Variants in DOCK5 observed in about 807,000 individuals in gnomAD.
DOCK5 encodes the protein dedicator of cytokinesis 5, also known as dedicator of cytokinesis protein 5.
In DOCK5, 142 loss-of-function variants were observed where a neutral mutation model predicts 251.8. That is an observed-to-expected ratio of 0.56 (90% CI 0.49 to 0.65). The LOEUF is 0.65. DOCK5 is among the 30% of genes least tolerant of loss of function. The pLI, the probability that DOCK5 is intolerant of heterozygous loss-of-function variation, is 0.00. For missense variants in DOCK5, 2,111 were observed against 2,312.3 expected (o/e 0.91, Z 1.79); for synonymous variants, 842 against 835.5 (o/e 1.01, Z -0.13).
At chr8:25,362,804 G>T (rs1800710614) in intron 28 of DOCK5, among the ~76,000 whole-genome samples, 1 of 152,100 alleles carries the variant, frequency 6.6e-6, no homozygotes, top group Admixed American at 6.6e-5. Context: ...TGTACCATTT[G>T]TAAAATGTGG....
At chr8:25,246,792 GTGT>G (rs139629161) in intron 2 of DOCK5, among the ~76,000 whole-genome samples, 9,399 of 148,754 alleles carry the variant, frequency 0.063, 924 homozygotes, top group African/African-American at 0.2. Flanking sequence ...ATGTTTGTGT[GTGT>G]TGTTTTGTCA....
At chr8:25,343,295 A>G (rs1800288741) in intron 25 of DOCK5, among the ~76,000 whole-genome samples, 1 of 151,984 alleles carries the variant, frequency 6.6e-6, no homozygotes, top group Non-Finnish European at 1.5e-5. Context: ...AGGCATAATT[A>G]CCGTGCCCAG....
At chr8:25,351,858 C>A (rs747000802) in intron 27 of DOCK5, 32 bp downstream of exon 27, 14 of 1,591,202 alleles carry the variant, frequency 8.8e-6, no homozygotes, top group Non-Finnish European at 1.2e-5. Context: ...CCCACGGCCG[C>A]TGCTGTTTCT....
chr8:25,384,415 T>C (rs1801122716), intron 40 of DOCK5, among the ~76,000 whole-genome samples: 1 of 150,264 alleles, frequency 6.7e-6, no homozygotes, highest in South Asian at 2.1e-4. Flanking sequence ...ATGTAGATTA[T>C]GTCTTAATAT....
At chr8:25,407,830 C>A (rs1801548763) in intron 48 of DOCK5, among the ~76,000 whole-genome samples, 153 bp from the exon 49 acceptor site, 1 of 145,486 alleles carries the variant, frequency 6.9e-6, no homozygotes. Flanking sequence ...CACCACTGCA[C>A]TCCAGCCTGA....
chr8:25,353,743 G>A (rs976394270), intron 27 of DOCK5, among the ~76,000 whole-genome samples: 2 of 152,056 alleles, frequency 1.3e-5, no homozygotes, highest in African/African-American at 4.8e-5. Flanking sequence ...GACTTAGGAA[G>A]CTGGGTGCGG....
intron 1 of DOCK5, among the ~76,000 whole-genome samples, chr8:25,217,845 T>C (rs1164127625): frequency 2.6e-5 from 4 of 152,228 alleles, no homozygotes; most frequent in Non-Finnish European, 4.4e-5. Flanking sequence ...GAATGGGACA[T>C]GTTAGTAACG....
chr8:25,371,120 T>G (rs887950894), intron 34 of DOCK5, among the ~76,000 whole-genome samples: 1 of 151,104 alleles, frequency 6.6e-6, no homozygotes, highest in Non-Finnish European at 1.5e-5. Flanking sequence ...GTGTGAGTTT[T>G]GTGGATGAGA....
At position 25,368,607 on chromosome 8, in the gene DOCK5, G is replaced by C; in HGVS notation, c.3320G>C (p.Gly1107Ala). ...HKIKFIPSMV[G>A]PILEVTLTPE... ...ATCAAATTCATCCCATCCATGGTGG[G>C]TCCCATTCTGGAGGTCACTCTGACC... Residue 1107 changes from glycine to alanine, a missense_variant, in exon 33 of 52, where the codon GGT (glycine) becomes GCT (alanine). By Grantham distance (60) the Gly-to-Ala change is moderately conservative (BLOSUM62 0). Transcript: ENST00000276440. 1 of 1,612,928 alleles carries C rather than the reference G, an allele frequency of 6.2e-7. No individual in the cohort carries two copies. The highest frequency in any genetic ancestry group is 2.2e-5 in the East Asian group (1 of 44,846).
At chr8:25,329,487 TTG>T (rs1346956169) in intron 18 of DOCK5, among the ~76,000 whole-genome samples, 1 of 152,238 alleles carries the variant, frequency 6.6e-6, no homozygotes, top group Non-Finnish European at 1.5e-5. Context: ...AATTGAAGTC[TTG>T]TGTCACGTGT....
At chr8:25,296,117 G>A (rs1804609257) in intron 6 of DOCK5, among the ~76,000 whole-genome samples, 1 of 152,196 alleles carries the variant, frequency 6.6e-6, no homozygotes, top group Non-Finnish European at 1.5e-5. Context: ...ACGACGCCTG[G>A]CAAAGGAGGT....
intron 1 of DOCK5, among the ~76,000 whole-genome samples, chr8:25,229,640 C>T (rs1323119844): frequency 6.6e-6 from 1 of 151,890 alleles, no homozygotes; most frequent in Non-Finnish European, 1.5e-5. Flanking sequence ...AATTGTATCT[C>T]AAAAAGAAAA....
chr8:25,227,947 G>A (rs1296701816), intron 1 of DOCK5, among the ~76,000 whole-genome samples: 1 of 152,044 alleles, frequency 6.6e-6, no homozygotes, highest in Non-Finnish European at 1.5e-5. Flanking sequence ...TGCAGTGGCA[G>A]GATCATGGCC....
intron 1 of DOCK5, among the ~76,000 whole-genome samples, chr8:25,215,909 T>C (rs192601186): frequency 7.3e-4 from 110 of 150,246 alleles, no homozygotes; most frequent in Non-Finnish European, 1.4e-3. Flanking sequence ...TTTTTCTTAA[T>C]CTTTTCAAAT....
Position 25,411,431 on chromosome 8 carries a change from C to T in DOCK5, c.*133C>T, listed in dbSNP as rs1324169147. Reference sequence around the variant, plus strand: ...TGATCTGGGATGATGTTTACCAGCCCAAAACCAGTCATGTTCTTCCAAAAG... The same window carrying T: ...TGATCTGGGATGATGTTTACCAGCCTAAAACCAGTCATGTTCTTCCAAAAG... On this transcript the variant is annotated 3_prime_UTR_variant, in exon 52 of 52. Coordinates refer to ENST00000276440, the MANE Select transcript of DOCK5 (RefSeq NM_024940.8). 8.3e-7 allele frequency: 1 copy of T among 1,210,940 alleles called. No homozygotes were observed. The highest frequency in any genetic ancestry group is 1.1e-6 in the Non-Finnish European group (1 of 944,028). 75.0% of individuals were successfully genotyped at this position (1,210,940 alleles called of 1,614,324 possible). A position where few individuals can be genotyped will look rare whatever the true frequency, so the allele number is the denominator to read the frequency against.
intron 16 of DOCK5, 114 bp downstream of exon 16, chr8:25,321,166 T>C: frequency 1.1e-6 from 1 of 887,880 alleles, no homozygotes; most frequent in Non-Finnish European, 1.8e-6. Context: ...ACTTGGCAGC[T>C]GTATTTTGTA....
At chr8:25,384,469 T>TATTTA (rs1446152840) in intron 40 of DOCK5, among the ~76,000 whole-genome samples, 151 of 109,110 alleles carry the variant, frequency 1.4e-3, no homozygotes, top group African/African-American at 5.1e-3. Context: ...ATTTATTTTT[T>TATTTA]TTTTTTTTGA....
chr8:25,386,137 C>A (rs1801160748), intron 40 of DOCK5, among the ~76,000 whole-genome samples: 1 of 152,282 alleles, frequency 6.6e-6, no homozygotes. Flanking sequence ...ACATTTGGAA[C>A]ATCCAAAAGG....
intron 46 of DOCK5, among the ~76,000 whole-genome samples, chr8:25,400,571 T>G (rs1287634311): frequency 1.3e-5 from 2 of 151,912 alleles, no homozygotes; most frequent in Non-Finnish European, 2.9e-5. Context: ...CTGGCCTCAT[T>G]TTTTTCTCTC....
Sources: gnomAD v4.1 joint callset for allele counts (sites outside exome capture counted in the v4.1 genomes callset) on GRCh38, gnomAD v4.1.1 for gene constraint, MANE v1.5 for transcripts, NCBI Gene and HGNC (gene_info 2026-07-23, HGNC 2026-07-21) for gene names.